The following ANO1 variants were observed in gnomAD, a reference collection of about 807,000 sequenced individuals.
ANO1 encodes the protein anoctamin 1.
In ANO1, 59 loss-of-function variants were observed where a neutral mutation model predicts 124.0. The observed-to-expected ratio is 0.48, with a 90% CI of 0.39 to 0.59. The LOEUF (loss-of-function observed/expected upper bound fraction) is 0.59, where lower values mean the gene tolerates loss of function less well. ANO1 is among the 20% of genes least tolerant of loss of function. ANO1 has a pLI of 0.00. For missense variants in ANO1, 1,059 were observed against 1,328.0 expected (o/e 0.80, Z 3.15); for synonymous variants, 529 against 532.0 (o/e 0.99, Z 0.08).
chr11:70,037,391 T>C (rs1185643469), intron 1 of ANO1, among the ~76,000 whole-genome samples: 1 of 151,990 alleles, frequency 6.6e-6, no homozygotes, highest in Non-Finnish European at 1.5e-5. Context: ...GAGCAAGATA[T>C]GATTACAAAT....
intron 2 of ANO1, among the ~76,000 whole-genome samples, chr11:70,090,737 T>C (rs1490870737): frequency 6.6e-6 from 1 of 152,222 alleles, no homozygotes. Flanking sequence ...CATTGGTTAC[T>C]GTCACCAAAA....
intron 1 of ANO1, among the ~76,000 whole-genome samples, chr11:70,000,604 G>A (rs1193698091): frequency 3.3e-5 from 5 of 151,550 alleles, no homozygotes; most frequent in African/African-American, 1.2e-4. Flanking sequence ...CTGATAGGCA[G>A]ATTTACTATT....
At chr11:70,012,367 C>T (rs1856612048) in intron 1 of ANO1, among the ~76,000 whole-genome samples, 1 of 151,592 alleles carries the variant, frequency 6.6e-6, no homozygotes, top group Admixed American at 6.6e-5. Flanking sequence ...TCCATCCATC[C>T]ATTATTCCAT....
In ANO1 at chr11:70,163,393, T is replaced by C. The variant is rs774131035; in HGVS notation, c.1950+53T>C. ...AGCCCCTTCTGTCTTGCTTACGATT[T>C]GTCTACACCATGCACTTGGGAGAAG... On this transcript the variant is annotated intron_variant, in intron 19 of 25. Transcript: ENST00000355303. 2.5e-6 allele frequency: 4 copies of C among 1,592,422 alleles called. No individual in the cohort carries two copies. In the South Asian group the frequency reaches 3.3e-5, roughly 13 times the overall value.
Position 70,163,541 on chromosome 11 carries a change from A to T in ANO1, c.1950+201A>T, listed in dbSNP as rs58776547. On this transcript the variant is annotated intron_variant, in intron 19 of 25. Transcript: ENST00000355303. ...TTATCTGGTGTGTTCATATAGAATC[A>T]CCTAGAAGGATAAAGTCGCTGTAGA... is the stretch of plus-strand genomic sequence containing the variant. 9.3e-5 allele frequency: 61 copies of T among 655,452 alleles called. No homozygotes were observed. The African/African-American group carries it at 1.0e-3, about 11-fold the overall frequency. The allele number at this position is 655,452 out of a possible 1,614,324, so 40.6% of individuals were successfully genotyped here.
the ANO1 span, among the ~76,000 whole-genome samples, chr11:69,972,772 T>A: frequency 6.6e-6 from 1 of 152,336 alleles, no homozygotes; most frequent in East Asian, 1.9e-4. Flanking sequence ...GGCCTCTGCG[T>A]GGTCGAGATG....
intron 14 of ANO1, 63 bp from the exon 15 acceptor site, chr11:70,155,848 G>A (rs527851866): frequency 1.7e-5 from 25 of 1,442,356 alleles, no homozygotes; most frequent in African/African-American, 7.4e-5. Flanking sequence ...CCTGGGCCCC[G>A]CGGTCTGCGG....
chr11:70,096,476 C>T (rs2044967915), intron 2 of ANO1, among the ~76,000 whole-genome samples: 1 of 152,204 alleles, frequency 6.6e-6, no homozygotes, highest in African/African-American at 2.4e-5. Flanking sequence ...ATGACATTCT[C>T]ACTGGGAGCC....
intron 1 of ANO1, among the ~76,000 whole-genome samples, chr11:69,992,065 C>G (rs562525037): frequency 6.6e-6 from 1 of 152,328 alleles, no homozygotes; most frequent in East Asian, 1.9e-4. Flanking sequence ...AGAAAAAAGT[C>G]TCGTTCATTT....
chr11:69,989,760 G>C (rs782324125), intron 1 of ANO1, among the ~76,000 whole-genome samples: 1 of 152,142 alleles, frequency 6.6e-6, no homozygotes, highest in Non-Finnish European at 1.5e-5. Flanking sequence ...CCAGGTGCAC[G>C]AGGCAGGTAG....
intron 1 of ANO1, among the ~76,000 whole-genome samples, chr11:70,028,356 G>A (rs942771384): frequency 6.6e-5 from 10 of 152,160 alleles, no homozygotes; most frequent in Admixed American, 2.0e-4. Context: ...GTCCATGTCC[G>A]GATGTCAAGC....
intron 2 of ANO1, among the ~76,000 whole-genome samples, chr11:70,091,339 A>G (rs1453599158): frequency 1.3e-5 from 2 of 152,130 alleles, no homozygotes; most frequent in African/African-American, 4.8e-5. Context: ...GGGGAGAAAA[A>G]TCCACAGAGT....
chr11:70,079,833 G>A (rs755137742), intron 1 of ANO1, among the ~76,000 whole-genome samples: 29 of 152,232 alleles, frequency 1.9e-4, no homozygotes, highest in Non-Finnish European at 3.4e-4. Flanking sequence ...GCGACAGCAG[G>A]GACTCTGGCC....
intron 2 of ANO1, among the ~76,000 whole-genome samples, chr11:70,101,952 G>C (rs1464282861): frequency 6.6e-6 from 1 of 152,222 alleles, no homozygotes; most frequent in African/African-American, 2.4e-5. Context: ...ACTCGGCACT[G>C]TTTCCCTTCT....
At chr11:69,990,832 A>T (rs1253926792) in intron 1 of ANO1, among the ~76,000 whole-genome samples, 1 of 152,114 alleles carries the variant, frequency 6.6e-6, no homozygotes, top group Non-Finnish European at 1.5e-5. Flanking sequence ...TTTTGGTTGG[A>T]TTGTAGGAGT....
At chr11:70,108,150 A>G in intron 5 of ANO1, 1 of 501,422 alleles carries the variant, frequency 2.0e-6, no homozygotes, top group Non-Finnish European at 3.6e-6. Flanking sequence ...CTCCCTGAGA[A>G]GCTCAAGCCT....
Position 70,010,179 on chromosome 11 carries a change from G to GTGTATATATATATATATATATATATA in ANO1, c.58+24014_58+24015insGTATATATATATATATATATATATAT. ...TGTGTGTGTGTGCGCGTGTGTGTGTGTATATATATATATATATATCACATT... is the reference window on the plus strand; with the variant it reads ...TGTGTGTGTGTGCGCGTGTGTGTGTGTGTATATATATATATATATATATATATATATATATATATATATATCACATT... On this transcript the variant is annotated intron_variant, in intron 1 of 27. Transcript: ENST00000531349. 8.4e-5 allele frequency among the ~76,000 whole-genome samples: 7 copies of GTGTATATATATATATATATATATATA among 83,814 alleles called. 1 individual carries two copies. The highest frequency in any genetic ancestry group is 9.5e-4 in the South Asian group (2 of 2,110). The allele number at this position is 83,814 out of a possible 152,430, so 55.0% of individuals were successfully genotyped here. A position where few individuals can be genotyped will look rare whatever the true frequency, so the allele number is the denominator to read the frequency against.
intron 23 of ANO1, 61 bp downstream of exon 23, chr11:70,180,117 G>T (rs1407300163): frequency 5.3e-6 from 8 of 1,507,780 alleles, no homozygotes; most frequent in Non-Finnish European, 6.4e-6. Context: ...AGGTGGCCGG[G>T]GCCCTGTGGA....
the ANO1 span, among the ~76,000 whole-genome samples, chr11:69,971,165 G>C: frequency 0.12 from 18,930 of 152,188 alleles, 1,219 homozygotes; most frequent in Middle Eastern, 0.14. Flanking sequence ...CTGTGCTGGG[G>C]GGGCACCAAC....
Sources: gnomAD v4.1 joint callset for allele counts (sites outside exome capture counted in the v4.1 genomes callset) on GRCh38, gnomAD v4.1.1 for gene constraint, MANE v1.5 for transcripts, NCBI Gene and HGNC (gene_info 2026-07-23, HGNC 2026-07-21) for gene names.